Variants in PCDH7 observed in about 807,000 individuals in gnomAD.
PCDH7 encodes protocadherin-7.
A neutral mutation model predicts 58.9 loss-of-function variants in PCDH7; 17 were observed. The observed-to-expected ratio is 0.29, with a 90% CI of 0.20 to 0.43. The LOEUF (loss-of-function observed/expected upper bound fraction) is 0.43. PCDH7 is among the 20% of genes least tolerant of loss of function. The probability of loss-of-function intolerance (pLI) is 1.00; values close to 1 mark genes in which losing one functional copy is unlikely to be tolerated. For missense variants in PCDH7, 1,274 were observed against 1,441.0 expected, an observed-to-expected ratio of 0.88 and a Z score of 1.88; for synonymous variants, 664 against 616.4, an observed-to-expected ratio of 1.08 and a Z score of -1.14.
intron 3 of PCDH7, among the ~76,000 whole-genome samples, chr4:31,003,817 A>G (rs182661975): frequency 6.6e-6 from 1 of 152,198 alleles, no homozygotes; most frequent in East Asian, 1.9e-4. Context: ...CTGAGGCAGG[A>G]GAACGGCATG....
intron 1 of PCDH7, among the ~76,000 whole-genome samples, chr4:30,851,118 C>T (rs1388515942): frequency 6.6e-6 from 1 of 151,974 alleles, no homozygotes; most frequent in East Asian, 1.9e-4. Context: ...TTCCTGTAGA[C>T]CCTGAAGCTG....
At chr4:31,002,065 A>G (rs1403543999) in intron 3 of PCDH7, among the ~76,000 whole-genome samples, 1 of 152,176 alleles carries the variant, frequency 6.6e-6, no homozygotes, top group African/African-American at 2.4e-5. Flanking sequence ...TGCTATTTTA[A>G]ACAACCATAG....
intron 3 of PCDH7, among the ~76,000 whole-genome samples, chr4:30,986,320 T>TA (rs1048995284): frequency 2.0e-5 from 3 of 152,046 alleles, no homozygotes; most frequent in Admixed American, 6.6e-5. Flanking sequence ...TTTAGTCTTT[T>TA]AAAAAAAATT....
chr4:30,981,080 G>T (rs1216647986), intron 3 of PCDH7, among the ~76,000 whole-genome samples: 1 of 152,184 alleles, frequency 6.6e-6, no homozygotes, highest in Non-Finnish European at 1.5e-5. Context: ...CTGACCTTGT[G>T]ATCCACCCGC....
chr4:30,917,226 A>G (rs1178277179), intron 1 of PCDH7, among the ~76,000 whole-genome samples: 1 of 151,880 alleles, frequency 6.6e-6, no homozygotes, highest in Non-Finnish European at 1.5e-5. Flanking sequence ...CATTTCATCT[A>G]ACTCTGTATG....
chr4:31,047,445 T>C (rs1756378314), intron 3 of PCDH7, among the ~76,000 whole-genome samples: 1 of 152,068 alleles, frequency 6.6e-6, no homozygotes, highest in Non-Finnish European at 1.5e-5. Flanking sequence ...TTTGGACAAA[T>C]GCTCACTGTC....
intron 1 of PCDH7, among the ~76,000 whole-genome samples, chr4:30,852,116 G>GGATT (rs909760272): frequency 1.3e-5 from 2 of 152,010 alleles, no homozygotes; most frequent in African/African-American, 2.4e-5. Context: ...TATGTAAGAA[G>GGATT]GATTGTAATA....
chr4:30,750,397 A>G (rs114164700), intron 1 of PCDH7, among the ~76,000 whole-genome samples: 5 of 152,322 alleles, frequency 3.3e-5, no homozygotes, highest in African/African-American at 4.8e-5. Flanking sequence ...GGCATAGAAC[A>G]TGATCACAAT....
chr4:31,043,747 C>T (rs994045415), intron 3 of PCDH7, among the ~76,000 whole-genome samples: 1 of 150,578 alleles, frequency 6.6e-6, no homozygotes, highest in Non-Finnish European at 1.5e-5. Flanking sequence ...ATTGTTTGTT[C>T]ACTCTGATAA....
intron 1 of PCDH7, among the ~76,000 whole-genome samples, chr4:30,900,264 A>G (rs1051125742): frequency 2.0e-5 from 3 of 152,198 alleles, no homozygotes; most frequent in Admixed American, 2.0e-4. Flanking sequence ...ACAAAAACAT[A>G]TGGTGTGAGC....
chr4:31,051,015 T>C (rs4533721), intron 3 of PCDH7, among the ~76,000 whole-genome samples: 14,673 of 152,240 alleles, frequency 0.096, 1,102 homozygotes, highest in East Asian at 0.23. Flanking sequence ...AATCGCTTAG[T>C]TCACATAATT....
At chr4:30,932,874 A>C (rs1744814273) in intron 2 of PCDH7, among the ~76,000 whole-genome samples, 1 of 152,192 alleles carries the variant, frequency 6.6e-6, no homozygotes, top group Admixed American at 6.5e-5. Context: ...TGAACTTAGA[A>C]CAGGAGAATA....
At chr4:30,980,310 C>G (rs956945206) in intron 3 of PCDH7, among the ~76,000 whole-genome samples, 1 of 152,128 alleles carries the variant, frequency 6.6e-6, no homozygotes, top group Admixed American at 6.5e-5. Flanking sequence ...CATGCTACAT[C>G]ATTATCAAAA....
In PCDH7 at chr4:30,722,322, C is replaced by A. The variant is rs1187125709; in HGVS notation, c.900C>A (p.Asp300Glu). 6.2e-7 allele frequency: 1 copy of A among 1,610,316 alleles called. No individual in the cohort carries two copies. The highest frequency in any genetic ancestry group is 8.5e-7 in the Non-Finnish European group (1 of 1,179,078). Residue 300 changes from aspartate (D) to glutamate (E), a missense_variant, in exon 1 of 2, where the codon GAC becomes GAA. Physicochemically the swap from Asp to Glu is conservative, Grantham distance 45. This residue lies in a region of PCDH7 where 331 missense variants were observed against 303.2 expected (regional missense o/e 1.09). Transcript: ENST00000361762. This position sits in a 1 kb window ranked among gnomAD's most constrained non-coding sequence, Gnocchi z 7.6. Reference sequence around the variant, plus strand: ...CCATCCTACGGGTCCTCATCACCGACGTGAACGACAACAGCCCCCGCTTCG... The same window carrying A: ...CCATCCTACGGGTCCTCATCACCGAAGTGAACGACAACAGCCCCCGCTTCG...
intron 1 of PCDH7, among the ~76,000 whole-genome samples, chr4:30,754,634 A>G (rs1719029981): frequency 6.6e-6 from 1 of 152,202 alleles, no homozygotes; most frequent in Non-Finnish European, 1.5e-5. Flanking sequence ...GGAAATAGGT[A>G]AGACATTCAA....
intron 1 of PCDH7, among the ~76,000 whole-genome samples, chr4:30,894,516 T>TATATATATACAC (rs1400204196): frequency 2.2e-4 from 7 of 32,198 alleles, no homozygotes; most frequent in Non-Finnish European, 3.1e-4. Context: ...TATATATATA[T>TATATATATACAC]ACACACACAC....
intron 3 of PCDH7, among the ~76,000 whole-genome samples, chr4:31,006,255 T>A (rs1752760773): frequency 6.6e-6 from 1 of 152,188 alleles, no homozygotes; most frequent in Non-Finnish European, 1.5e-5. Context: ...TTCCATATAT[T>A]CAGATATATG....
chr4:30,821,115 C>T (rs566039711), intron 1 of PCDH7, among the ~76,000 whole-genome samples: 1 of 152,238 alleles, frequency 6.6e-6, no homozygotes, highest in African/African-American at 2.4e-5. Context: ...TGACCCATTT[C>T]GCAGATGAGG....
chr4:30,870,764 T>C (rs982398773), intron 1 of PCDH7, among the ~76,000 whole-genome samples: 8 of 152,120 alleles, frequency 5.3e-5, no homozygotes, highest in Admixed American at 4.6e-4. Flanking sequence ...GACTCATTTA[T>C]TCTCACCTCT....
Sources: gnomAD v4.1 joint callset for allele counts (sites outside exome capture counted in the v4.1 genomes callset) on GRCh38, gnomAD v4.1.1 for gene constraint, gnomAD v4.1.1 regional missense constraint, Gnocchi (gnomAD v3.1) non-coding constraint, MANE v1.5 for transcripts, NCBI Gene and HGNC (gene_info 2026-07-23, HGNC 2026-07-21) for gene names.